The following NGFR variants were observed in gnomAD, a reference collection of about 807,000 sequenced individuals.
The protein encoded by NGFR is nerve growth factor receptor, also known as tumor necrosis factor receptor superfamily member 16.
In NGFR, 30 loss-of-function variants were observed where a neutral mutation model predicts 43.2. The observed-to-expected ratio is 0.69, with a 90% CI of 0.52 to 0.94. The LOEUF (loss-of-function observed/expected upper bound fraction) is 0.94. Among genes scored for constraint, NGFR ranks in the 40% least tolerant of loss-of-function variants. NGFR has a pLI of 0.00. For missense variants in NGFR, 529 were observed against 602.5 expected (o/e 0.88, Z 1.28); for synonymous variants, 246 against 259.6 (o/e 0.95, Z 0.50).
chr17:49,498,712 G>A (rs919443727), intron 1 of NGFR, among the ~76,000 whole-genome samples: 3 of 152,154 alleles, frequency 2.0e-5, no homozygotes, highest in South Asian at 2.1e-4. Context: ...GATTACAAGC[G>A]TTCTTAAAAA....
At chr17:49,497,810 G>A (rs569433214) in intron 1 of NGFR, 243 of 152,974 alleles carry the variant, frequency 1.6e-3, no homozygotes, top group African/African-American at 5.7e-3. Context: ...ATGGGCGTGC[G>A]TGAGCGGCCG....
In NGFR at chr17:49,514,716, G is replaced by A. The variant is rs1480128817; in HGVS notation, c.*1707G>A. On this transcript the variant is annotated 3_prime_UTR_variant, in exon 6 of 6. Coordinates refer to ENST00000172229, the MANE Select transcript of NGFR (RefSeq NM_002507.4). ...CTGCTGGCCCCTCACCTGGGCACCT[G>A]GGGAGTGGGACAGAGTCTGGGTGTA... The A allele has an allele frequency of 6.6e-6, 1 of 152,228 alleles. No homozygotes were observed. The highest frequency in any genetic ancestry group is 1.5e-5 in the Non-Finnish European group (1 of 68,066). 9.4% of individuals were successfully genotyped at this position (152,228 alleles called of 1,614,324 possible).
Position 49,512,640 on chromosome 17 carries a change from C to T in NGFR, c.983-68C>T, listed in dbSNP as rs1358414952. The stretch of plus-strand genomic sequence containing the variant: ...CTGCCTCGGCCCTTCTTGGGTCTCA[C>T]CCCAGTGCCCACTGTTGGGGAAAGG... On this transcript the variant is annotated intron_variant, in intron 5 of 5. Coordinates refer to ENST00000172229, the MANE Select transcript of NGFR (RefSeq NM_002507.4). This position sits in a 1 kb window ranked among gnomAD's most constrained non-coding sequence, Gnocchi z 5.2. 6 of 1,512,688 alleles carry T rather than the reference C, an allele frequency of 4.0e-6. No individual in the cohort carries two copies. Among genetic ancestry groups the T allele is most frequent in the Non-Finnish European group, 4.4e-6 (5 of 1,126,310 alleles). The allele number at this position is 1,512,688 out of a possible 1,614,324, so 93.7% of individuals were successfully genotyped here.
intron 1 of NGFR, 64 bp from the exon 2 acceptor site, chr17:49,501,999 A>AGGGGGGCCCCCC: frequency 3.0e-6 from 1 of 330,984 alleles, no homozygotes; most frequent in Non-Finnish European, 5.9e-6. Flanking sequence ...TCCCCGGAAG[A>AGGGGGGCCCCCC]ACCCCCCCCA....
At chr17:49,498,206 T>C (rs1440507666) in intron 1 of NGFR, among the ~76,000 whole-genome samples, 3 of 152,240 alleles carry the variant, frequency 2.0e-5, no homozygotes, top group South Asian at 2.1e-4. Context: ...TCCCGCCCCC[T>C]ACCTTCTAGA....
Position 49,512,472 on chromosome 17 carries a change from G to T in NGFR, c.983-236G>T, listed in dbSNP as rs986179651. Among the ~76,000 whole-genome samples, 1 of 152,196 alleles carries T rather than the reference G, an allele frequency of 6.6e-6. No individual in the cohort carries two copies. The highest frequency in any genetic ancestry group is 2.4e-5 in the African/African-American group (1 of 41,440). On this transcript the variant is annotated intron_variant, in intron 5 of 5. Coordinates refer to ENST00000172229, the MANE Select transcript of NGFR (RefSeq NM_002507.4). The surrounding 1 kb of genome is among the most constrained non-coding windows in gnomAD (Gnocchi z 5.2). ...CCTCCTCTGCCATGATTAATTGCTGGGGGGGAAGAGAGGAGGGATGGGGAT... is the reference window on the plus strand; with the variant it reads ...CCTCCTCTGCCATGATTAATTGCTGTGGGGGAAGAGAGGAGGGATGGGGAT...
rs1207296795 is a variant in NGFR, at chr17:49,495,596, G to A, written c.66+113G>A. ...GAGCATTGGGGTCCCAGATACTGAGGGTGGGTGGTGGGAAAGGACCTCTGA... is the reference window on the plus strand; with the variant it reads ...GAGCATTGGGGTCCCAGATACTGAGAGTGGGTGGTGGGAAAGGACCTCTGA... On this transcript the variant is annotated intron_variant, in intron 1 of 5. Coordinates refer to ENST00000172229, the MANE Select transcript of NGFR (RefSeq NM_002507.4). This position sits in a 1 kb window ranked among gnomAD's most constrained non-coding sequence, Gnocchi z 6.4. 7 of 923,588 alleles carry A rather than the reference G, an allele frequency of 7.6e-6. No individual in the cohort carries two copies. Among genetic ancestry groups the A allele is most frequent in the African/African-American group, 1.7e-5 (1 of 58,538 alleles). 57.2% of individuals were successfully genotyped at this position (923,588 alleles called of 1,614,324 possible).
chr17:49,502,274 C>T (rs1055561948), intron 2 of NGFR, 70 bp downstream of exon 2: 137 of 1,491,124 alleles, frequency 9.2e-5, no homozygotes, highest in South Asian at 2.6e-5. Context: ...AAGGGAGGGG[C>T]GCTGGGGAGA....
At position 49,512,934 on chromosome 17, in the gene NGFR, C is replaced by A. The variant is rs779974233; in HGVS notation, c.1209C>A (p.Ala403=). ...QDSATLDALL[A]ALRRIQRADL... ...GCGCCACACTGGACGCCCTCCTGGC[C>A]GCCCTGCGCCGCATCCAGCGAGCCG... Residue 403 remains alanine, a synonymous_variant, in exon 6 of 6, where the codon GCC becomes GCA. Coordinates refer to ENST00000172229, the MANE Select transcript of NGFR (RefSeq NM_002507.4). This position sits in a 1 kb window ranked among gnomAD's most constrained non-coding sequence, Gnocchi z 5.2. 2.5e-6 allele frequency: 4 copies of A among 1,611,184 alleles called. No individual in the cohort carries two copies. The highest frequency in any genetic ancestry group is 3.4e-6 in the Non-Finnish European group (4 of 1,179,010).
chr17:49,507,233 T>G (rs1435443347), intron 3 of NGFR, among the ~76,000 whole-genome samples: 1 of 152,138 alleles, frequency 6.6e-6, no homozygotes, highest in South Asian at 2.1e-4. Context: ...TGGGCCTCGG[T>G]TTCCTCACTG....
intron 2 of NGFR, among the ~76,000 whole-genome samples, chr17:49,503,375 T>C (rs957080771): frequency 1.3e-5 from 2 of 152,228 alleles, no homozygotes; most frequent in Middle Eastern, 3.2e-3. Context: ...CCTCAGTTGC[T>C]GCCTTTGGGC....
chr17:49,510,607 A>G lies in NGFR; in HGVS notation c.764A>G (p.Tyr255Cys). 6.2e-7 allele frequency: 1 copy of G among 1,613,782 alleles called. No homozygotes were observed. Among genetic ancestry groups the G allele is most frequent in the Non-Finnish European group, 8.5e-7 (1 of 1,179,932 alleles). ...RGTTDNLIPV[Y>C]CSILAAVVVG... The stretch of plus-strand genomic sequence containing the variant: ...ACCACCGACAACCTCATCCCTGTCT[A>G]TTGCTCCATCCTGGCTGCTGTGGTT... Residue 255 changes from tyrosine to cysteine, a missense_variant, in exon 4 of 6, where the codon TAT becomes TGT. Coordinates refer to ENST00000172229, the MANE Select transcript of NGFR (RefSeq NM_002507.4).
At chr17:49,507,369 G>A (rs1260766867) in intron 3 of NGFR, among the ~76,000 whole-genome samples, 1 of 152,310 alleles carries the variant, frequency 6.6e-6, no homozygotes, top group East Asian at 1.9e-4. Flanking sequence ...GGGCATGCAG[G>A]GAACACTAAG....
In NGFR at chr17:49,514,808, TGG is replaced by T. The variant is rs1404994576; in HGVS notation, c.*1800_*1801del. ...TTGCAAGTATGTTTTAGCATGTGTTTGGTTCTGGGGCCCCTTTTTACTCCCCT... is the reference window on the plus strand; with the variant it reads ...TTGCAAGTATGTTTTAGCATGTGTTTTTCTGGGGCCCCTTTTTACTCCCCT... On this transcript the variant is annotated 3_prime_UTR_variant, in exon 6 of 6. Transcript: ENST00000172229. The T allele has an allele frequency of 4.0e-5, 6 of 151,600 alleles. No homozygotes were observed. The highest frequency in any genetic ancestry group is 7.4e-5 in the Non-Finnish European group (5 of 67,910). 9.4% of individuals were successfully genotyped at this position (151,600 alleles called of 1,614,324 possible). A position where few individuals can be genotyped will look rare whatever the true frequency, so the allele number is the denominator to read the frequency against.
chr17:49,500,905 T>C (rs2071163638), intron 1 of NGFR, among the ~76,000 whole-genome samples: 1 of 151,778 alleles, frequency 6.6e-6, no homozygotes, highest in Non-Finnish European at 1.5e-5. Flanking sequence ...GGGAAAGGAG[T>C]GTCTTGGCCA....
At chr17:49,501,999 A>AGGGGGGGCCC in intron 1 of NGFR, 64 bp from the exon 2 acceptor site, 3 of 330,982 alleles carry the variant, frequency 9.1e-6, no homozygotes, top group Non-Finnish European at 1.8e-5. Flanking sequence ...TCCCCGGAAG[A>AGGGGGGGCCC]ACCCCCCCCA....
At chr17:49,506,085 T>G in intron 2 of NGFR, 1 of 890,306 alleles carries the variant, frequency 1.1e-6, no homozygotes, top group Non-Finnish European at 1.6e-6. Flanking sequence ...GCCTGGAGGA[T>G]GCGGCTCCGG....
Position 49,506,417 on chromosome 17 carries a change from C to G in NGFR, c.327C>G (p.Cys109Trp), listed in dbSNP as rs747553615. 4 of 1,605,466 alleles carry G rather than the reference C, an allele frequency of 2.5e-6. No individual in the cohort carries two copies. The highest frequency in any genetic ancestry group is 3.4e-6 in the Non-Finnish European group (4 of 1,178,314). Reference protein sequence around the residue: ...CVEADDAVCRCAYGYYQDETT... With the variant: ...CVEADDAVCRWAYGYYQDETT... ...AGGCCGACGACGCCGTGTGCCGCTGCGCCTACGGCTACTACCAGGATGAGA... is the reference window on the plus strand; with the variant it reads ...AGGCCGACGACGCCGTGTGCCGCTGGGCCTACGGCTACTACCAGGATGAGA... Residue 109 changes from cysteine (C) to tryptophan (W), a missense_variant, in exon 3 of 6, where the codon TGC (cysteine) becomes TGG (tryptophan). Cys to Trp is a radical substitution (Grantham distance 215, BLOSUM62 -2). Transcript: ENST00000172229.
Position 49,502,055 on chromosome 17 carries a change from C to T in NGFR, c.67-8C>T, listed in dbSNP as rs4794056. On this transcript the variant is annotated splice_region_variant and splice_polypyrimidine_tract_variant and intron_variant, in intron 1 of 5. Transcript: ENST00000172229. ...GCCAGTCTGACCCTCCGATCTCCCT[C>T]CATCCAGGTGTCCCTTGGAGGTGCC... 0.15 allele frequency: 219,773 copies of T among 1,503,502 alleles called. 17,180 individuals are homozygous for T. The highest frequency in any genetic ancestry group is 0.21 in the African/African-American group (15,006 of 72,308). 93.1% of individuals were successfully genotyped at this position (1,503,502 alleles called of 1,614,324 possible).
Sources: allele counts gnomAD v4.1 joint callset (sites outside exome capture counted in the v4.1 genomes callset), GRCh38; gene constraint gnomAD v4.1.1; non-coding constraint Gnocchi (gnomAD v3.1); transcripts MANE v1.5; gene names NCBI Gene and HGNC (gene_info 2026-07-23, HGNC 2026-07-21).